CELF2: variants seen among roughly 807,000 people sequenced by gnomAD.
CELF2 encodes the protein CUG triplet repeat RNA-binding protein 2.
A neutral mutation model predicts 62.6 loss-of-function variants in CELF2; 8 were observed. That is an observed-to-expected ratio of 0.13 (90% confidence interval 0.07 to 0.23). The LOEUF is 0.23. Among genes scored for constraint, CELF2 ranks in the 10% least tolerant of loss-of-function variants. CELF2 has a pLI of 1.00. For missense variants in CELF2, 333 were observed against 671.0 expected (o/e 0.50, Z 5.56); for synonymous variants, 258 against 250.0 (o/e 1.03, Z -0.30).
chr10:10,966,822 A>G (rs1282779858), intron 2 of CELF2: 3 of 152,256 alleles, frequency 2.0e-5, no homozygotes, highest in Non-Finnish European at 4.4e-5. Context: ...TAAGGTCTCT[A>G]TCATTGTGAG....
At chr10:10,774,380 G>A in the CELF2 span, among the ~76,000 whole-genome samples, 2 of 152,202 alleles carry the variant, frequency 1.3e-5, no homozygotes, top group Non-Finnish European at 1.5e-5. Flanking sequence ...CCAAACCTCA[G>A]GTTCAGTTGT....
the CELF2 span, among the ~76,000 whole-genome samples, chr10:10,515,639 A>G: frequency 3.9e-5 from 6 of 152,078 alleles, no homozygotes; most frequent in African/African-American, 1.2e-4. Flanking sequence ...ACAAAGAAGG[A>G]AAAAAATGTA....
At chr10:10,917,726 G>A (rs1036777563) in intron 1 of CELF2, among the ~76,000 whole-genome samples, 2 of 152,204 alleles carry the variant, frequency 1.3e-5, no homozygotes, top group African/African-American at 4.8e-5. Flanking sequence ...GCTACAGTGG[G>A]GCTGGTGGGG....
At chr10:10,550,887 G>A in the CELF2 span, among the ~76,000 whole-genome samples, 1 of 151,374 alleles carries the variant, frequency 6.6e-6, no homozygotes, top group Non-Finnish European at 1.5e-5. Flanking sequence ...TAGTAGAGAT[G>A]GGGTTTCTCC....
At chr10:10,569,106 G>C in the CELF2 span, among the ~76,000 whole-genome samples, 1 of 152,102 alleles carries the variant, frequency 6.6e-6, no homozygotes, top group Admixed American at 6.6e-5. Context: ...CTAATTACTG[G>C]TCAAAAATCA....
chr10:10,870,786 C>T (rs967749133), intron 1 of CELF2, among the ~76,000 whole-genome samples: 7 of 152,320 alleles, frequency 4.6e-5, no homozygotes, highest in Admixed American at 2.0e-4. Flanking sequence ...CCTGCCACAT[C>T]CCAGGCAGCA....
At chr10:10,551,739 T>A in the CELF2 span, among the ~76,000 whole-genome samples, 26 of 152,250 alleles carry the variant, frequency 1.7e-4, 1 homozygote, top group African/African-American at 5.8e-4. Flanking sequence ...TTCCGCTTAA[T>A]GTATCTCCTA....
the CELF2 span, among the ~76,000 whole-genome samples, chr10:10,714,615 C>A: frequency 2.0e-5 from 3 of 152,096 alleles, no homozygotes; most frequent in Non-Finnish European, 2.9e-5. Flanking sequence ...TATGCCCCTA[C>A]GACATGTTGA....
chr10:10,740,156 T>TC, the CELF2 span, among the ~76,000 whole-genome samples: 1 of 145,658 alleles, frequency 6.9e-6, no homozygotes, highest in African/African-American at 2.6e-5. Context: ...GCCTGTGCTT[T>TC]TTTTTTTTTT....
chr10:10,489,383 T>G, the CELF2 span, among the ~76,000 whole-genome samples: 1 of 152,092 alleles, frequency 6.6e-6, no homozygotes, highest in African/African-American at 2.4e-5. Context: ...TCTTCATCAC[T>G]GATAATTTTA....
the CELF2 span, among the ~76,000 whole-genome samples, chr10:10,484,923 AT>A: frequency 1.3e-5 from 2 of 152,164 alleles, no homozygotes; most frequent in African/African-American, 4.8e-5. Context: ...CAATGAAAAT[AT>A]CCCTTTTGTT....
chr10:10,501,148 G>C, the CELF2 span, among the ~76,000 whole-genome samples: 14 of 152,226 alleles, frequency 9.2e-5, no homozygotes, highest in African/African-American at 3.1e-4. Context: ...TGAGTCACAG[G>C]GTATTTGCAT....
At chr10:10,697,425 G>A in the CELF2 span, among the ~76,000 whole-genome samples, 1 of 152,184 alleles carries the variant, frequency 6.6e-6, no homozygotes, top group East Asian at 1.9e-4. Flanking sequence ...TGTGCAAATT[G>A]GAAGCTGGAC....
At chr10:11,176,625 G>A (rs1267595644) in intron 2 of CELF2, among the ~76,000 whole-genome samples, 1 of 152,216 alleles carries the variant, frequency 6.6e-6, no homozygotes, top group East Asian at 1.9e-4. Context: ...ACAGCGCCTG[G>A]CATATGGTGG....
chr10:10,923,158 T>C (rs1467242651), intron 2 of CELF2: 2 of 152,218 alleles, frequency 1.3e-5, no homozygotes, highest in East Asian at 1.9e-4. Context: ...TGTAGGCTAA[T>C]GATTAGTGGA....
the CELF2 span, among the ~76,000 whole-genome samples, chr10:10,636,672 C>A: frequency 1.2e-4 from 19 of 152,164 alleles, no homozygotes; most frequent in Non-Finnish European, 1.5e-4. Flanking sequence ...TAGTCAGTTT[C>A]TCTTTGATTT....
chr10:11,327,854 T>G (rs2095838017), intron 12 of CELF2, among the ~76,000 whole-genome samples: 1 of 152,156 alleles, frequency 6.6e-6, no homozygotes, highest in Non-Finnish European at 1.5e-5. Context: ...GTAAAGGAAT[T>G]TTCTCTTTAG....
At chr10:11,003,934 C>T (rs2054785636), upstream of CELF2, among the ~76,000 whole-genome samples, 1 of 152,130 alleles carries the variant, frequency 6.6e-6, no homozygotes, top group Non-Finnish European at 1.5e-5. The surrounding 1 kb of genome is among the most constrained non-coding windows in gnomAD (Gnocchi z 4.4). Flanking sequence ...TTGTTGCCCT[C>T]TAGAAATAGG....
chr10:10,930,957 T>A (rs981726614), intron 2 of CELF2, among the ~76,000 whole-genome samples: 3 of 152,152 alleles, frequency 2.0e-5, no homozygotes, highest in African/African-American at 7.2e-5. Flanking sequence ...GGTTGGAGAG[T>A]TTCTGTGCCT....
Sources: allele counts gnomAD v4.1 joint callset (sites outside exome capture counted in the v4.1 genomes callset), GRCh38; gene constraint gnomAD v4.1.1; non-coding constraint Gnocchi (gnomAD v3.1); transcripts MANE v1.5; gene names NCBI Gene and HGNC (gene_info 2026-07-23, HGNC 2026-07-21).